The following KCNA2 variants were observed in gnomAD, a reference collection of about 807,000 sequenced individuals.
KCNA2 encodes the protein potassium voltage-gated channel subfamily A member 2.
In KCNA2, 11 loss-of-function variants were observed where a neutral mutation model predicts 33.4. The ratio of observed to expected loss-of-function variants is 0.33; its 90% CI spans 0.21 to 0.55. The LOEUF (loss-of-function observed/expected upper bound fraction) is 0.55. Ranked by LOEUF, KCNA2 falls within the 20% of genes least tolerant of loss-of-function variation. The probability of loss-of-function intolerance (pLI) is 0.93; values close to 1 mark genes in which losing one functional copy is unlikely to be tolerated. For synonymous variants in KCNA2, 222 were observed against 231.3 expected, an observed-to-expected ratio of 0.96 and a Z score of 0.37; for missense variants, 291 against 621.6, an observed-to-expected ratio of 0.47 and a Z score of 5.66.
At chr1:110,624,711 T>A (rs1650347959) in intron 1 of KCNA2, among the ~76,000 whole-genome samples, 1 of 152,174 alleles carries the variant, frequency 6.6e-6, no homozygotes, top group African/African-American at 2.4e-5. Flanking sequence ...AATGGTTATG[T>A]TGAGATTGTG....
chr1:110,597,084 C>A lies in KCNA2; in HGVS notation c.*6199G>T. On this transcript the variant is annotated 3_prime_UTR_variant, in exon 3 of 3. Coordinates refer to ENST00000316361, the MANE Select transcript of KCNA2 (RefSeq NM_004974.4). ...AGACTTCTACTGAAACCCACAAGAA[C>A]CTGCTTCCTTCTGCAGCTCTCACGG... is the stretch of plus-strand genomic sequence containing the variant. The A allele has an allele frequency of 1.0e-6, 1 of 985,466 alleles. No individual in the cohort carries two copies. Among genetic ancestry groups the A allele is most frequent in the Non-Finnish European group, 1.2e-6 (1 of 829,954 alleles). The allele number at this position is 985,466 out of a possible 1,614,324, so 61.0% of individuals were successfully genotyped here.
At chr1:110,614,208 C>G (rs567464091) in intron 1 of KCNA2, among the ~76,000 whole-genome samples, 32 of 152,208 alleles carry the variant, frequency 2.1e-4, no homozygotes, top group Non-Finnish European at 4.6e-4. Context: ...AGGTCCTCAA[C>G]TCTTCCTTAT....
At chr1:110,620,083 A>AGT (rs1320462308) in intron 1 of KCNA2, among the ~76,000 whole-genome samples, 7 of 142,112 alleles carry the variant, frequency 4.9e-5, no homozygotes, top group African/African-American at 2.0e-4. Context: ...AGAGAGAGAG[A>AGT]GAGAGTGAGT....
At position 110,620,081 on chromosome 1, in the gene KCNA2, AGAGAGAGTGAGT is replaced by A. The variant is rs1244645132; in HGVS notation, c.-496+11302_-496+11313del. 1.8e-3 allele frequency among the ~76,000 whole-genome samples: 260 copies of A among 145,226 alleles called. 2 individuals carry two copies. Among genetic ancestry groups the A allele is most frequent in the African/African-American group, 6.5e-3 (244 of 37,530 alleles). ...GAGAGAGAGAGAGAGAGAGAGAGAG[AGAGAGAGTGAGT>A]GAGAGAGAGAGAGAGAAATTTGGTG... On this transcript the variant is annotated intron_variant, in intron 1 of 4. Coordinates refer to the KCNA2 transcript ENST00000369770.
At position 110,593,894 on chromosome 1, in the gene KCNA2, C is replaced by T. The variant is rs1287428792; in HGVS notation, c.*9389G>A. 2.6e-6 allele frequency: 4 copies of T among 1,550,096 alleles called. No homozygotes were observed. Among genetic ancestry groups the T allele is most frequent in the Non-Finnish European group, 3.5e-6 (4 of 1,146,802 alleles). On this transcript the variant is annotated 3_prime_UTR_variant, in exon 3 of 3. Transcript: ENST00000316361. ...AATATGTCAGCAAGAATGATAATAT[C>T]AATACATCCTGTGCAATGTAGTTAC...
chr1:110,600,267 C>A lies in KCNA2; in HGVS notation c.*3016G>T, dbSNP rs570161071. 64 of 981,686 alleles carry A rather than the reference C, an allele frequency of 6.5e-5. 1 individual carries two copies. The South Asian group carries it at 2.9e-3, about 45-fold the overall frequency. 60.8% of individuals were successfully genotyped at this position (981,686 alleles called of 1,614,324 possible). A position where few individuals can be genotyped will look rare whatever the true frequency, so the allele number is the denominator to read the frequency against. On this transcript the variant is annotated 3_prime_UTR_variant, in exon 3 of 3. Transcript: ENST00000316361. ...CTTGTATGCCTATTATAAGTTAATG[C>A]ATCGTGTGTATATACTGAGTTTGTG...
At chr1:110,619,727 G>A (rs1278259557) in intron 1 of KCNA2, among the ~76,000 whole-genome samples, 1 of 152,232 alleles carries the variant, frequency 6.6e-6, no homozygotes, top group Non-Finnish European at 1.5e-5. Flanking sequence ...GATTTTGAGG[G>A]TTTGATATTT....
At position 110,611,735 on chromosome 1, in the gene KCNA2, A is replaced by G. The variant is rs1289665569; in HGVS notation, c.-495-6013T>C. Among the ~76,000 whole-genome samples the G allele has an allele frequency of 3.3e-5, 5 of 152,104 alleles. No homozygotes were observed. In the East Asian group the frequency reaches 9.7e-4, roughly 29 times the overall value. ...AGCAAGATCCTGTCTTGAAAAAAAA[A>G]AAAAAGGCTGGGTATAGTGGTCCAT... On this transcript the variant is annotated intron_variant, in intron 1 of 4. Transcript: ENST00000369770.
chr1:110,599,716 C>G lies in KCNA2; in HGVS notation c.*3567G>C, dbSNP rs142148475. 12 of 985,370 alleles carry G rather than the reference C, an allele frequency of 1.2e-5. No homozygotes were observed. In the African/African-American group the frequency reaches 2.1e-4, roughly 17 times the overall value. 61.0% of individuals were successfully genotyped at this position (985,370 alleles called of 1,614,324 possible). ...GACATCTTTACCCTGGTCCTGGGCT[C>G]AAGATCCTGCAGTTTCTTGAGCCAT... On this transcript the variant is annotated 3_prime_UTR_variant, in exon 3 of 3. Transcript: ENST00000316361.
At position 110,593,761 on chromosome 1, in the gene KCNA2, A is replaced by AC; in HGVS notation, c.*9521dup. ...GCAATGTTCATTGAGGCACATATGT[A>AC]CACATATATGTATAACCTATGTACA... On this transcript the variant is annotated 3_prime_UTR_variant, in exon 3 of 3. Transcript: ENST00000316361. The AC allele has an allele frequency of 9.4e-7, 1 of 1,069,474 alleles. No individual in the cohort carries two copies. The highest frequency in any genetic ancestry group is 1.3e-6 in the Non-Finnish European group (1 of 748,408). The allele number at this position is 1,069,474 out of a possible 1,614,324, so 66.2% of individuals were successfully genotyped here.
chr1:110,596,999 G>T lies in KCNA2; in HGVS notation c.*6284C>A, dbSNP rs1649124159. On this transcript the variant is annotated 3_prime_UTR_variant, in exon 3 of 3. Coordinates refer to ENST00000316361, the MANE Select transcript of KCNA2 (RefSeq NM_004974.4). ...ATTTGTGCAGCTGCACACTCTAGCG[G>T]GTGGTAGAGTCTTTATTTCACTAAT... 3 of 985,398 alleles carry T rather than the reference G, an allele frequency of 3.0e-6. No homozygotes were observed. The highest frequency in any genetic ancestry group is 3.6e-6 in the Non-Finnish European group (3 of 829,922). 61.0% of individuals were successfully genotyped at this position (985,398 alleles called of 1,614,324 possible). A position where few individuals can be genotyped will look rare whatever the true frequency, so the allele number is the denominator to read the frequency against.
Position 110,600,426 on chromosome 1 carries a change from T to C in KCNA2, c.*2857A>G, listed in dbSNP as rs934561691. On this transcript the variant is annotated 3_prime_UTR_variant, in exon 3 of 3. Coordinates refer to ENST00000316361, the MANE Select transcript of KCNA2 (RefSeq NM_004974.4). ...TATATTTGTATGTGGTGTATGTTTG[T>C]CTTTTGTGTATGTTCTGTGTAAATT... 1 of 985,014 alleles carries C rather than the reference T, an allele frequency of 1.0e-6. No homozygotes were observed. The highest frequency in any genetic ancestry group is 1.2e-6 in the Non-Finnish European group (1 of 829,882). The allele number at this position is 985,014 out of a possible 1,614,324, so 61.0% of individuals were successfully genotyped here.
chr1:110,594,611 T>A lies in KCNA2; in HGVS notation c.*8672A>T, dbSNP rs1649017040. ...GTTTGCTCAGCAGGCTAGAGCTTGA[T>A]CATGGGACTTTCCAGCTTCCTGGGG... On this transcript the variant is annotated 3_prime_UTR_variant, in exon 3 of 3. Coordinates refer to ENST00000316361, the MANE Select transcript of KCNA2 (RefSeq NM_004974.4). The A allele has an allele frequency of 3.0e-6, 3 of 985,260 alleles. No individual in the cohort carries two copies. The highest frequency in any genetic ancestry group is 3.6e-6 in the Non-Finnish European group (3 of 829,946). The allele number at this position is 985,260 out of a possible 1,614,324, so 61.0% of individuals were successfully genotyped here.
chr1:110,609,343 A>G (rs117283156), upstream of KCNA2, among the ~76,000 whole-genome samples: 19 of 152,330 alleles, frequency 1.2e-4, 1 homozygote, highest in East Asian at 3.5e-3. Context: ...TGGGCTTACC[A>G]TGTGTCAGAC....
At position 110,604,493 on chromosome 1, in the gene KCNA2, C is replaced by G; in HGVS notation, c.290G>C (p.Arg97Pro). Residue 97 changes from arginine (R) to proline (P), a missense_variant, in exon 3 of 3, where the codon CGA becomes CCA. By Grantham distance (103) the Arg-to-Pro change is moderately radical. Transcript: ENST00000316361. This position sits in a 1 kb window ranked among gnomAD's most constrained non-coding sequence, Gnocchi z 7.6. ...AILYYYQSGG[R>P]LRRPVNVPLD... ...GGGCACATTCACAGGTCGCCTCAAT[C>G]GGCCCCCTGACTGGTAGTAGTACAA... 6.2e-7 allele frequency: 1 copy of G among 1,614,200 alleles called. No homozygotes were observed. The highest frequency in any genetic ancestry group is 8.5e-7 in the Non-Finnish European group (1 of 1,180,018).
chr1:110,619,338 C>T (rs1650171360), intron 1 of KCNA2, among the ~76,000 whole-genome samples: 1 of 152,156 alleles, frequency 6.6e-6, no homozygotes, highest in African/African-American at 2.4e-5. Context: ...ATGATAATAC[C>T]GGTTTTAACC....
rs1284794012 is a variant in KCNA2 at position 110,596,714 on chromosome 1, A to G, written c.*6569T>C. The G allele has an allele frequency of 5.1e-6, 5 of 984,830 alleles. No individual in the cohort carries two copies. Among genetic ancestry groups the G allele is most frequent in the Non-Finnish European group, 6.0e-6 (5 of 829,332 alleles). The allele number at this position is 984,830 out of a possible 1,614,324, so 61.0% of individuals were successfully genotyped here. On this transcript the variant is annotated 3_prime_UTR_variant, in exon 3 of 3. Transcript: ENST00000316361. ...TTAGGAAATATTTTTCTCAATAACA[A>G]AGGTTGAACCAGACATGCTTTCCCA...
intron 1 of KCNA2, among the ~76,000 whole-genome samples, chr1:110,620,123 A>G (rs1431565105): frequency 6.7e-6 from 1 of 150,218 alleles, no homozygotes; most frequent in Non-Finnish European, 1.5e-5. Flanking sequence ...TTGGTGGGTA[A>G]GACTTCTCAG....
chr1:110,628,568 C>G (rs1361356096), intron 1 of KCNA2, among the ~76,000 whole-genome samples: 1 of 152,190 alleles, frequency 6.6e-6, no homozygotes, highest in Non-Finnish European at 1.5e-5. Context: ...TTGTGTCCAT[C>G]TCTGTACTGC....
Sources: allele counts gnomAD v4.1 joint callset (sites outside exome capture counted in the v4.1 genomes callset), GRCh38; gene constraint gnomAD v4.1.1; non-coding constraint Gnocchi (gnomAD v3.1); transcripts MANE v1.5; gene names NCBI Gene and HGNC (gene_info 2026-07-23, HGNC 2026-07-21).